MAP3K1: variants seen among roughly 807,000 people sequenced by gnomAD.
The protein encoded by MAP3K1 is MAP/ERK kinase kinase 1.
Under a neutral mutation model 144.2 loss-of-function variants are expected in MAP3K1, and 36 were observed. The observed-to-expected ratio is 0.25, with a 90% CI of 0.19 to 0.33. The LOEUF is 0.33. Ranked by LOEUF, MAP3K1 falls within the 10% of genes least tolerant of loss-of-function variation. The probability of loss-of-function intolerance (pLI) is 1.00; values close to 1 mark genes in which losing one functional copy is unlikely to be tolerated. For synonymous variants in MAP3K1, 718 were observed against 688.7 expected (o/e 1.04, Z -0.67); for missense variants, 1,650 against 1,881.9 (o/e 0.88, Z 2.28).
At chr5:56,838,155 A>G (rs1217859696) in intron 1 of MAP3K1, among the ~76,000 whole-genome samples, 1 of 152,230 alleles carries the variant, frequency 6.6e-6, no homozygotes, top group Non-Finnish European at 1.5e-5. Flanking sequence ...GTGATGATGA[A>G]TTGAGTCAAA....
chr5:56,815,651 C>T lies in MAP3K1; in HGVS notation c.78C>T (p.Gly26=), dbSNP rs2111725418. Residue 26 remains glycine (G), a synonymous_variant, in exon 1 of 20, where the codon GGC becomes GGT. Transcript: ENST00000399503. ...GARATSPEAG[G]GGGALKASSA... is the part of the protein sequence containing the mutation. Reference sequence around the variant, plus strand: ...GGGCTACGAGCCCTGAGGCAGGCGGCGGCGGAGGAGCCCTCAAGGCGAGCA... The same window carrying T: ...GGGCTACGAGCCCTGAGGCAGGCGGTGGCGGAGGAGCCCTCAAGGCGAGCA... The T allele has an allele frequency of 7.5e-7, 1 of 1,334,522 alleles. No individual in the cohort carries two copies. The highest frequency in any genetic ancestry group is 9.6e-7 in the Non-Finnish European group (1 of 1,042,298). The allele number at this position is 1,334,522 out of a possible 1,614,324, so 82.7% of individuals were successfully genotyped here. A position where few individuals can be genotyped will look rare whatever the true frequency, so the allele number is the denominator to read the frequency against.
chr5:56,857,576 A>G (rs1053040915), intron 2 of MAP3K1, among the ~76,000 whole-genome samples: 1 of 152,214 alleles, frequency 6.6e-6, no homozygotes, highest in Non-Finnish European at 1.5e-5. Context: ...TGTCTGCCCT[A>G]CATTCATCCC....
At chr5:56,824,388 T>C (rs555290779) in intron 1 of MAP3K1, among the ~76,000 whole-genome samples, 3 of 152,242 alleles carry the variant, frequency 2.0e-5, no homozygotes, top group Non-Finnish European at 4.4e-5. Context: ...CATGCAGTGT[T>C]GTTCATGTGG....
chr5:56,884,389 C>G (rs964130217), intron 15 of MAP3K1, among the ~76,000 whole-genome samples: 2 of 152,066 alleles, frequency 1.3e-5, no homozygotes, highest in Non-Finnish European at 2.9e-5. Flanking sequence ...CATGTTGATT[C>G]TTCTCCCATA....
rs1748221737 is a variant in MAP3K1 at position 56,881,899 on chromosome 5, G to A, written c.2699G>A (p.Ser900Asn). 1.9e-6 allele frequency: 3 copies of A among 1,613,972 alleles called. No individual in the cohort carries two copies. The highest frequency in any genetic ancestry group is 1.3e-5 in the African/African-American group (1 of 74,880). ...AACTATCTGGAAACCACAGAGAACA[G>A]TTCCCCTGAGTGCACAGTCCATTTA... is the stretch of plus-strand genomic sequence containing the variant. ...PNNYLETTEN[S>N]SPECTVHLEK... The change falls in exon 14 of 20, where the codon AGT becomes AAT. Residue 900 changes from serine to asparagine, a missense_variant. Transcript: ENST00000399503.
intron 1 of MAP3K1, among the ~76,000 whole-genome samples, 175 bp downstream of exon 1, chr5:56,816,230 C>G (rs1463080269): frequency 1.3e-5 from 2 of 152,102 alleles, no homozygotes; most frequent in East Asian, 1.9e-4. Flanking sequence ...GGCGGCGCCC[C>G]GGACCCAGCC....
intron 1 of MAP3K1, among the ~76,000 whole-genome samples, chr5:56,835,878 A>G (rs1278968982): frequency 6.6e-6 from 1 of 152,104 alleles, no homozygotes; most frequent in African/African-American, 2.4e-5. Flanking sequence ...CAGTCTAATG[A>G]AAAGCTAGCT....
At chr5:56,830,769 T>G (rs1269630994) in intron 1 of MAP3K1, among the ~76,000 whole-genome samples, 1 of 152,186 alleles carries the variant, frequency 6.6e-6, no homozygotes, top group Non-Finnish European at 1.5e-5. Context: ...CTGCCCCAGC[T>G]GTATCATTTT....
At chr5:56,871,658 G>A (rs1747855878) in intron 6 of MAP3K1, among the ~76,000 whole-genome samples, 1 of 152,116 alleles carries the variant, frequency 6.6e-6, no homozygotes. Context: ...TTCTAAGATT[G>A]CAGTCTGTGT....
intron 1 of MAP3K1, among the ~76,000 whole-genome samples, chr5:56,833,828 G>A (rs1746567137): frequency 6.6e-6 from 1 of 152,084 alleles, no homozygotes; most frequent in Non-Finnish European, 1.5e-5. Flanking sequence ...ATTAAGTTAT[G>A]CCTAGATGGA....
At chr5:56,863,567 G>A (rs565288110) in intron 3 of MAP3K1, among the ~76,000 whole-genome samples, 22 of 152,300 alleles carry the variant, frequency 1.4e-4, no homozygotes, top group African/African-American at 5.3e-4. Context: ...AGCTGCTCCT[G>A]TTTGGTGGCT....
intron 6 of MAP3K1, among the ~76,000 whole-genome samples, chr5:56,868,903 CA>C (rs1373731023): frequency 6.6e-6 from 1 of 151,988 alleles, no homozygotes; most frequent in African/African-American, 2.4e-5. Context: ...AAGTGTGCTA[CA>C]ACATGGATGA....
intron 10 of MAP3K1, among the ~76,000 whole-genome samples, chr5:56,877,003 G>A (rs2111926675): frequency 1.3e-5 from 2 of 152,260 alleles, no homozygotes; most frequent in South Asian, 4.1e-4. Context: ...ATTACACAAG[G>A]ATAACTAGGT....
At chr5:56,842,659 G>A (rs1349226439) in intron 1 of MAP3K1, among the ~76,000 whole-genome samples, 2 of 152,186 alleles carry the variant, frequency 1.3e-5, no homozygotes, top group African/African-American at 4.8e-5. Context: ...TTAGAACAAG[G>A]TGTGGCGGGT....
intron 1 of MAP3K1, among the ~76,000 whole-genome samples, chr5:56,816,601 G>C (rs1581200096): frequency 6.6e-6 from 1 of 152,088 alleles, no homozygotes; most frequent in Non-Finnish European, 1.5e-5. Flanking sequence ...CCCTCGGCCC[G>C]CCCGGGACTC....
At chr5:56,823,206 C>G (rs1036090529) in intron 1 of MAP3K1, among the ~76,000 whole-genome samples, 1 of 152,170 alleles carries the variant, frequency 6.6e-6, no homozygotes, top group Non-Finnish European at 1.5e-5. Context: ...CGGTTGGGCC[C>G]CTGTCTGCTT....
rs868220086 is a variant in MAP3K1 at position 56,815,595 on chromosome 5, C to T, written c.22C>T (p.Arg8Cys). 38 of 1,301,088 alleles carry T rather than the reference C, an allele frequency of 2.9e-5. No homozygotes were observed. The highest frequency in any genetic ancestry group is 3.3e-5 in the Non-Finnish European group (34 of 1,026,766). The allele number at this position is 1,301,088 out of a possible 1,614,324, so 80.6% of individuals were successfully genotyped here. A position where few individuals can be genotyped will look rare whatever the true frequency, so the allele number is the denominator to read the frequency against. Residue 8 changes from arginine (R) to cysteine (C), a missense_variant, in exon 1 of 20, where the codon CGC (arginine) becomes TGC (cysteine). Physicochemically the swap from Arg to Cys is radical, Grantham distance 180 (BLOSUM62 -3). Coordinates refer to ENST00000399503, the MANE Select transcript of MAP3K1 (RefSeq NM_005921.2). Reference sequence around the variant, plus strand: ...GAAAATGGCGGCGGCGGCGGGGAATCGCGCCTCGTCGTCGGGATTCCCGGG... The same window carrying T: ...GAAAATGGCGGCGGCGGCGGGGAATTGCGCCTCGTCGTCGGGATTCCCGGG... MAAAAGN[R>C]ASSSGFPGAR...
intron 3 of MAP3K1, among the ~76,000 whole-genome samples, chr5:56,861,378 C>T (rs1021196999): frequency 2.0e-5 from 3 of 151,926 alleles, no homozygotes; most frequent in African/African-American, 7.3e-5. Context: ...TCAAGATCAG[C>T]CTGGCCAACG....
At chr5:56,863,171 G>T (rs1747570175) in intron 3 of MAP3K1, among the ~76,000 whole-genome samples, 1 of 152,198 alleles carries the variant, frequency 6.6e-6, no homozygotes, top group African/African-American at 2.4e-5. Context: ...TTTGTGTTCA[G>T]CCTGTAAAAG....
Sources: gnomAD v4.1 joint callset for allele counts (sites outside exome capture counted in the v4.1 genomes callset) on GRCh38, gnomAD v4.1.1 for gene constraint, MANE v1.5 for transcripts, NCBI Gene and HGNC (gene_info 2026-07-23, HGNC 2026-07-21) for gene names.